The following SOHLH2 variants were observed in gnomAD, a reference collection of about 807,000 sequenced individuals.
SOHLH2 encodes spermatogenesis and oogenesis specific basic helix-loop-helix 2, also known as spermatogenesis- and oogenesis-specific basic helix-loop-helix-containing protein 2.
Under a neutral mutation model 50.4 loss-of-function variants are expected in SOHLH2, and 22 were observed. That is an observed-to-expected ratio of 0.44 (90% CI 0.31 to 0.62). The LOEUF (loss-of-function observed/expected upper bound fraction) is 0.62, where lower values mean the gene tolerates loss of function less well. Ranked by LOEUF, SOHLH2 falls within the 20% of genes least tolerant of loss-of-function variation. The pLI is 0.08. For missense variants in SOHLH2, 412 were observed against 504.4 expected (o/e 0.82, Z 1.76); for synonymous variants, 185 against 187.3 (o/e 0.99, Z 0.10).
chr13:36,180,531 G>T (rs1486532244), intron 6 of SOHLH2, among the ~76,000 whole-genome samples: 1 of 151,660 alleles, frequency 6.6e-6, no homozygotes, highest in African/African-American at 2.4e-5. Flanking sequence ...ATAGCTAGAC[G>T]TGTGCCATAG....
chr13:36,184,627 C>T (rs1316217884), intron 6 of SOHLH2, among the ~76,000 whole-genome samples: 3 of 151,872 alleles, frequency 2.0e-5, no homozygotes, highest in Admixed American at 6.6e-5. Context: ...ACCCAGCTAA[C>T]TTTTTGTATT....
intron 2 of SOHLH2, 128 bp downstream of exon 2, chr13:36,201,751 T>C (rs1337602545): frequency 4.6e-5 from 63 of 1,377,966 alleles, no homozygotes; most frequent in Non-Finnish European, 5.6e-5. Flanking sequence ...ATTACACGCA[T>C]GAGCCAATCC....
At chr13:36,170,258 A>C (rs531286495) in intron 10 of SOHLH2, among the ~76,000 whole-genome samples, 1 of 152,134 alleles carries the variant, frequency 6.6e-6, no homozygotes, top group Non-Finnish European at 1.5e-5. Context: ...AATCAGTGCT[A>C]GGGGAGATCA....
At chr13:36,204,162 G>T (rs372300101) in intron 1 of SOHLH2, among the ~76,000 whole-genome samples, 64 of 152,064 alleles carry the variant, frequency 4.2e-4, no homozygotes, top group African/African-American at 1.5e-3. Context: ...TGTTGGCCAG[G>T]CTAGTCTCGA....
chr13:36,204,741 ATTCAG>A lies in SOHLH2; in HGVS notation c.49-2653_49-2649del, dbSNP rs1379030201. Among the ~76,000 whole-genome samples, 8 of 152,250 alleles carry A rather than the reference ATTCAG, an allele frequency of 5.3e-5. No homozygotes were observed. The East Asian group carries it at 1.5e-3, about 29-fold the overall frequency. ...GAGCATGTTTCCCTGTTATTTTTCAATTCAGTTATTATATATTTTCCAACAATTTC... is the reference window on the plus strand; with the variant it reads ...GAGCATGTTTCCCTGTTATTTTTCAATTATTATATATTTTCCAACAATTTC... On this transcript the variant is annotated intron_variant, in intron 1 of 10. Transcript: ENST00000379881.
At chr13:36,190,133 A>C (rs1257027340) in intron 5 of SOHLH2, 77 bp from the exon 6 acceptor site, 2 of 1,331,372 alleles carry the variant, frequency 1.5e-6, no homozygotes, top group African/African-American at 2.9e-5. Flanking sequence ...GCACCAATAC[A>C]CTAAACAAAG....
At chr13:36,199,345 C>G (rs1023675435) in intron 2 of SOHLH2, among the ~76,000 whole-genome samples, 1 of 152,102 alleles carries the variant, frequency 6.6e-6, no homozygotes, top group African/African-American at 2.4e-5. Context: ...CCAAACGACT[C>G]TGTCCCCTTG....
chr13:36,176,240 G>C (rs777391566), intron 6 of SOHLH2, among the ~76,000 whole-genome samples: 22 of 152,120 alleles, frequency 1.4e-4, no homozygotes, highest in Non-Finnish European at 2.5e-4. Flanking sequence ...ATTTCTGGAT[G>C]GCTGGATGAT....
At chr13:36,192,288 CT>C (rs1472129998) in intron 4 of SOHLH2, among the ~76,000 whole-genome samples, 1 of 152,056 alleles carries the variant, frequency 6.6e-6, no homozygotes, top group Non-Finnish European at 1.5e-5. Context: ...AAATTTTTTC[CT>C]TTTTTGCAGC....
At chr13:36,191,949 G>A (rs915897345) in intron 4 of SOHLH2, 55 bp from the exon 5 acceptor site, 12 of 1,586,152 alleles carry the variant, frequency 7.6e-6, no homozygotes, top group Middle Eastern at 1.7e-4. Context: ...AGGAGATGAC[G>A]CTAATCAAAC....
intron 5 of SOHLH2, 149 bp downstream of exon 5, chr13:36,191,646 A>G (rs745339852): frequency 5.7e-5 from 49 of 856,850 alleles, no homozygotes; most frequent in Non-Finnish European, 8.4e-5. Context: ...ATTTCCTTAT[A>G]TTAAGTTGAA....
At position 36,201,959 on chromosome 13, in the gene SOHLH2, A is replaced by T. The variant is rs1593957423; in HGVS notation, c.183T>A (p.Asp61Glu). ...AGAGAACCATGTTGAATATGCAATC[A>T]TCCAAAAGCGCTGCTGCCTCCTTCG... is the stretch of plus-strand genomic sequence containing the variant. ...SDTKEAAALL[D>E]DCIFNMVLLK... Residue 61 changes from aspartate (D) to glutamate (E), a missense_variant, in exon 2 of 11, where the codon GAT (aspartate) becomes GAA (glutamate). Coordinates refer to ENST00000379881, the MANE Select transcript of SOHLH2 (RefSeq NM_017826.3). The T allele has an allele frequency of 6.2e-7, 1 of 1,614,110 alleles. No individual in the cohort carries two copies. The highest frequency in any genetic ancestry group is 1.3e-5 in the African/African-American group (1 of 74,936).
At chr13:36,178,952 C>T (rs1887173076) in intron 6 of SOHLH2, among the ~76,000 whole-genome samples, 1 of 151,554 alleles carries the variant, frequency 6.6e-6, no homozygotes, top group South Asian at 2.1e-4. Context: ...ATTTTTGTAC[C>T]TTATCTTCTG....
intron 1 of SOHLH2, among the ~76,000 whole-genome samples, chr13:36,207,874 C>T (rs556131060): frequency 6.6e-6 from 1 of 152,146 alleles, no homozygotes; most frequent in African/African-American, 2.4e-5. Flanking sequence ...GACATGAGCG[C>T]CCCCTTCTTA....
chr13:36,183,374 G>A (rs1401551142), intron 6 of SOHLH2, among the ~76,000 whole-genome samples: 1 of 152,064 alleles, frequency 6.6e-6, no homozygotes, highest in Non-Finnish European at 1.5e-5. Context: ...TATTTTAAGG[G>A]CATAATATCA....
At chr13:36,195,678 A>G (rs1335285895) in intron 2 of SOHLH2, among the ~76,000 whole-genome samples, 1 of 152,190 alleles carries the variant, frequency 6.6e-6, no homozygotes, top group African/African-American at 2.4e-5. Context: ...GCTGATGGTA[A>G]GGAAAGCGGG....
chr13:36,206,363 A>C (rs9593921), intron 1 of SOHLH2, among the ~76,000 whole-genome samples: 3,401 of 152,106 alleles, frequency 0.022, 65 homozygotes, highest in African/African-American at 0.058. Flanking sequence ...TAGTGAGTTC[A>C]TGTTCATTCA....
intron 10 of SOHLH2, among the ~76,000 whole-genome samples, 161 bp downstream of exon 10, chr13:36,170,370 T>C (rs568948175): frequency 6.6e-6 from 1 of 152,222 alleles, no homozygotes; most frequent in East Asian, 1.9e-4. Context: ...AGAGCATGGG[T>C]TGACTGCACC....
At position 36,168,765 on chromosome 13, in the gene SOHLH2, T is replaced by A; in HGVS notation, c.*269A>T. On this transcript the variant is annotated 3_prime_UTR_variant, in exon 11 of 11. Transcript: ENST00000379881. ...ATTTTTTGAGAAAAGAGAGTGTAGG[T>A]CACTGAGGCCATTTGTTCTTGTAGC... 1 of 458,034 alleles carries A rather than the reference T, an allele frequency of 2.2e-6. No individual in the cohort carries two copies. The highest frequency in any genetic ancestry group is 3.8e-6 in the Non-Finnish European group (1 of 262,370). The allele number at this position is 458,034 out of a possible 1,614,324, so 28.4% of individuals were successfully genotyped here.
Sources: gnomAD v4.1 joint callset for allele counts (sites outside exome capture counted in the v4.1 genomes callset) on GRCh38, gnomAD v4.1.1 for gene constraint, MANE v1.5 for transcripts, NCBI Gene and HGNC (gene_info 2026-07-23, HGNC 2026-07-21) for gene names.